The following CNOT6 variants were observed in gnomAD, a reference collection of about 807,000 sequenced individuals.
CNOT6 encodes carbon catabolite repression 4 protein.
A neutral mutation model predicts 61.2 loss-of-function variants in CNOT6; 12 were observed. The ratio of observed to expected loss-of-function variants is 0.20; its 90% CI spans 0.13 to 0.32. CNOT6 has a LOEUF of 0.32. CNOT6 is among the 10% of genes least tolerant of loss of function. CNOT6 has a pLI of 1.00. For missense variants in CNOT6, 405 were observed against 663.9 expected (o/e 0.61, Z 4.28); for synonymous variants, 225 against 240.6 (o/e 0.94, Z 0.60).
intron 8 of CNOT6, 26 bp from the exon 9 acceptor site, chr5:180,567,823 G>C (rs1178776071): frequency 6.2e-7 from 1 of 1,613,754 alleles, no homozygotes; most frequent in East Asian, 2.2e-5. Context: ...CTCTGTGTGT[G>C]TGTGTGTGTG....
At chr5:180,530,940 A>G (rs1487809635) in intron 2 of CNOT6, among the ~76,000 whole-genome samples, 1 of 152,240 alleles carries the variant, frequency 6.6e-6, no homozygotes, top group East Asian at 1.9e-4. Context: ...AGTACAGAAC[A>G]AAATGGAGTC....
At chr5:180,539,987 T>C (rs901045960) in intron 2 of CNOT6, among the ~76,000 whole-genome samples, 5 of 152,210 alleles carry the variant, frequency 3.3e-5, no homozygotes, top group Non-Finnish European at 1.5e-5. Context: ...GTTTTCAGAG[T>C]GTTCACAACT....
At chr5:180,566,862 AG>A (rs1760491601) in intron 7 of CNOT6, among the ~76,000 whole-genome samples, 1 of 151,834 alleles carries the variant, frequency 6.6e-6, no homozygotes. Flanking sequence ...CATGTTGGCC[AG>A]GCTTGGTCTG....
intron 7 of CNOT6, 79 bp downstream of exon 7, chr5:180,566,056 A>G (rs1383005111): frequency 7.6e-7 from 1 of 1,312,616 alleles, no homozygotes; most frequent in East Asian, 2.5e-5. Flanking sequence ...GACACATTTG[A>G]AGTTTTAGCT....
In CNOT6 at chr5:180,565,813, C is replaced by T; in HGVS notation, c.560-7C>T. On this transcript the variant is annotated splice_region_variant and splice_polypyrimidine_tract_variant and intron_variant, in intron 6 of 11. Transcript: ENST00000261951. ...TGTGTGAATAAGTAAAGTTATCTTTCCTACAGCCTTGTTTTCTGTCATGTG... is the reference window on the plus strand; with the variant it reads ...TGTGTGAATAAGTAAAGTTATCTTTTCTACAGCCTTGTTTTCTGTCATGTG... 1 of 1,561,844 alleles carries T rather than the reference C, an allele frequency of 6.4e-7. No homozygotes were observed. The highest frequency in any genetic ancestry group is 8.7e-7 in the Non-Finnish European group (1 of 1,149,904).
intron 2 of CNOT6, among the ~76,000 whole-genome samples, chr5:180,547,388 C>G (rs144957715): frequency 6.6e-6 from 1 of 151,790 alleles, no homozygotes; most frequent in Non-Finnish European, 1.5e-5. Context: ...GGCGTGGTGG[C>G]GGGCGCCTGT....
Position 180,494,602 on chromosome 5 carries a change from A to C in CNOT6, c.-164A>C, listed in dbSNP as rs956917986. The C allele has an allele frequency of 2.7e-4, 42 of 152,766 alleles. No homozygotes were observed. Among genetic ancestry groups the C allele is most frequent in the African/African-American group, 1.1e-3 (42 of 39,476 alleles). 9.5% of individuals were successfully genotyped at this position (152,766 alleles called of 1,614,324 possible). Reference sequence around the variant, plus strand: ...GGGCAGCCGAAGCAGTGGCTCTCGGAGGGGGAACAAAGAGCAGCGACTAAG... The same window carrying C: ...GGGCAGCCGAAGCAGTGGCTCTCGGCGGGGGAACAAAGAGCAGCGACTAAG... On this transcript the variant is annotated 5_prime_UTR_variant, in exon 1 of 12. Transcript: ENST00000261951.
chr5:180,550,658 A>T (rs1035067099), intron 3 of CNOT6, among the ~76,000 whole-genome samples: 2 of 152,160 alleles, frequency 1.3e-5, no homozygotes, highest in Admixed American at 1.3e-4. Context: ...TTTATTTTTG[A>T]ATGAGAAAGT....
chr5:180,529,877 G>C (rs1034645015), intron 2 of CNOT6, among the ~76,000 whole-genome samples: 1 of 152,142 alleles, frequency 6.6e-6, no homozygotes, highest in Non-Finnish European at 1.5e-5. Flanking sequence ...GCCTTATTCA[G>C]AAACACAAAA....
In CNOT6 at chr5:180,565,966, G is replaced by C. The variant is rs745627154; in HGVS notation, c.706G>C (p.Val236Leu). 6.2e-7 allele frequency: 1 copy of C among 1,612,756 alleles called. No homozygotes were observed. Among genetic ancestry groups the C allele is most frequent in the South Asian group, 1.1e-5 (1 of 90,854 alleles). ...QEILSCNADIVSLQEVETEQY... is the reference protein window; with the variant it reads ...QEILSCNADILSLQEVETEQY... Reference sequence around the variant, plus strand: ...AATCTTGAGCTGCAATGCTGATATCGTAAGTCTTCAGGTAAGTCAGACAGA... The same window carrying C: ...AATCTTGAGCTGCAATGCTGATATCCTAAGTCTTCAGGTAAGTCAGACAGA... The change falls in exon 7 of 12, where the codon GTA becomes CTA. Residue 236 changes from valine (V) to leucine (L), a missense_variant. By Grantham distance (32) the Val-to-Leu change is conservative. Transcript: ENST00000261951.
intron 4 of CNOT6, among the ~76,000 whole-genome samples, chr5:180,554,535 G>A (rs961547223): frequency 6.6e-6 from 1 of 150,952 alleles, no homozygotes; most frequent in Non-Finnish European, 1.5e-5. Flanking sequence ...TAAATAAATA[G>A]AAATATATGT....
chr5:180,523,836 G>A (rs1348767265), intron 1 of CNOT6, among the ~76,000 whole-genome samples: 1 of 152,010 alleles, frequency 6.6e-6, no homozygotes, highest in Non-Finnish European at 1.5e-5. Flanking sequence ...CGTGCAGGCC[G>A]CTCTTTAAAT....
In CNOT6 at chr5:180,573,613, G is replaced by A. The variant is rs1215334835; in HGVS notation, c.1462-375G>A. Among the ~76,000 whole-genome samples, 13 of 143,328 alleles carry A rather than the reference G, an allele frequency of 9.1e-5. 1 individual carries two copies. Among genetic ancestry groups the A allele is most frequent in the Admixed American group, 3.6e-4 (5 of 13,884 alleles). 94.0% of individuals were successfully genotyped at this position (143,328 alleles called of 152,430 possible). Reference sequence around the variant, plus strand: ...TGTGTGTGTGTGTGTCCGTCCGTCCGTCCGTCCTGGGGCAGGAAAGAACTT... The same window carrying A: ...TGTGTGTGTGTGTGTCCGTCCGTCCATCCGTCCTGGGGCAGGAAAGAACTT... On this transcript the variant is annotated intron_variant, in intron 11 of 11. Coordinates refer to ENST00000261951, the MANE Select transcript of CNOT6 (RefSeq NM_001370472.1).
At chr5:180,537,347 GT>G (rs1410802020) in intron 2 of CNOT6, among the ~76,000 whole-genome samples, 10 of 152,064 alleles carry the variant, frequency 6.6e-5, no homozygotes, top group Non-Finnish European at 1.5e-4. Context: ...GCAGTATCTC[GT>G]TGTTTTAATT....
At chr5:180,526,422 G>A (rs924961716) in intron 1 of CNOT6, among the ~76,000 whole-genome samples, 2 of 152,178 alleles carry the variant, frequency 1.3e-5, no homozygotes, top group Non-Finnish European at 2.9e-5. Context: ...AATGGCTTAC[G>A]TGCTAAGGGC....
rs562814506 is a variant in CNOT6, at chr5:180,517,176, C to G, written c.-2-12099C>G. The stretch of plus-strand genomic sequence containing the variant: ...TTTTTTCTAAGGGTTTCACTCCTTT[C>G]GCTCAGGCTGGAGCGCAATGGCGTG... On this transcript the variant is annotated intron_variant, in intron 1 of 11. Transcript: ENST00000261951. Among the ~76,000 whole-genome samples the G allele has an allele frequency of 3.9e-5, 6 of 152,196 alleles. No homozygotes were observed. In the East Asian group the frequency reaches 1.2e-3, roughly 29 times the overall value.
chr5:180,494,864 G>T (rs1756521324), intron 1 of CNOT6, 101 bp downstream of exon 1: 1 of 152,026 alleles, frequency 6.6e-6, no homozygotes, highest in African/African-American at 2.4e-5. Context: ...GGCAACTTTC[G>T]TTTCGTGGGC....
At chr5:180,550,196 T>G (rs776733222) in intron 3 of CNOT6, 79 bp downstream of exon 3, 5 of 1,135,586 alleles carry the variant, frequency 4.4e-6, no homozygotes, top group Non-Finnish European at 6.4e-6. Context: ...GGCTTATGCC[T>G]GTAATTCTAG....
intron 6 of CNOT6, among the ~76,000 whole-genome samples, chr5:180,565,002 C>A (rs1319113131): frequency 1.3e-5 from 2 of 152,204 alleles, no homozygotes; most frequent in Non-Finnish European, 2.9e-5. Context: ...TGTCTGGAGA[C>A]AATTTTGATG....
Sources: gnomAD v4.1 joint callset for allele counts (sites outside exome capture counted in the v4.1 genomes callset) on GRCh38, gnomAD v4.1.1 for gene constraint, MANE v1.5 for transcripts, NCBI Gene and HGNC (gene_info 2026-07-23, HGNC 2026-07-21) for gene names.